REN: variants seen among roughly 807,000 people sequenced by gnomAD.
REN encodes the protein renin, also known as angiotensin-forming enzyme.
A neutral mutation model predicts 48.6 loss-of-function variants in REN; 42 were observed. The observed-to-expected ratio is 0.86, with a 90% CI of 0.68 to 1.12. The LOEUF (loss-of-function observed/expected upper bound fraction) is 1.12, where lower values mean the gene tolerates loss of function less well. REN is among the 50% of genes most tolerant of loss of function. REN has a pLI of 0.00. For missense variants in REN, 443 were observed against 527.3 expected, an observed-to-expected ratio of 0.84 and a Z score of 1.57; for synonymous variants, 196 against 204.6, an observed-to-expected ratio of 0.96 and a Z score of 0.36.
In REN at chr1:204,159,441, T is replaced by C; in HGVS notation, c.647A>G (p.Gln216Arg). Residue 216 changes from glutamine (Q) to arginine (R), a missense_variant, in exon 5 of 10, where the codon CAA becomes CGA. Coordinates refer to ENST00000272190, the MANE Select transcript of REN (RefSeq NM_000537.4). The stretch of plus-strand genomic sequence containing the variant: ...GAAGACGTCCTCTTTTAGCACCCCT[T>C]GGGAGATGATGTTGTCGAAGATAGG... ...VTPIFDNIIS[Q>R]GVLKEDVFSF... The C allele has an allele frequency of 1.2e-6, 2 of 1,614,094 alleles. No individual in the cohort carries two copies. The highest frequency in any genetic ancestry group is 1.7e-6 in the Non-Finnish European group (2 of 1,180,010).
Position 204,155,025 on chromosome 1 carries a change from C to A in REN, c.1212G>T (p.Leu404Phe). ...DRRNNRIGFA[L>F]AR ...TGGGTGGCAGAGGGCCTCAGCGGGC[C>A]AAGGCGAAGCCAATGCGGTTGTTAC... is the stretch of plus-strand genomic sequence containing the variant. Residue 404 changes from leucine to phenylalanine, a missense_variant, in exon 10 of 10, where the codon TTG becomes TTT. By Grantham distance (22) the Leu-to-Phe change is conservative. Transcript: ENST00000272190. The A allele has an allele frequency of 1.9e-6, 3 of 1,614,014 alleles. No homozygotes were observed. The highest frequency in any genetic ancestry group is 2.5e-6 in the Non-Finnish European group (3 of 1,180,042).
At chr1:204,159,650 G>A in intron 4 of REN, 55 bp from the exon 5 acceptor site, 1 of 1,538,422 alleles carries the variant, frequency 6.5e-7, no homozygotes, top group Non-Finnish European at 9.0e-7. Context: ...CTTGGTTGGA[G>A]TCTGGTCTGG....
At chr1:204,165,862 A>G (rs1658340873) in intron 1 of REN, among the ~76,000 whole-genome samples, 1 of 152,178 alleles carries the variant, frequency 6.6e-6, no homozygotes, top group Admixed American at 6.5e-5. Context: ...TGCTGGGATT[A>G]CAGGCAGGAG....
At chr1:204,159,378 C>T (rs1571646750) in intron 5 of REN, 21 bp downstream of exon 5, 2 of 1,610,538 alleles carry the variant, frequency 1.2e-6, no homozygotes, top group African/African-American at 2.7e-5. Flanking sequence ...CCACCTCAGC[C>T]CTTGGAGTCC....
At chr1:204,164,144 A>G (rs997313462) in intron 1 of REN, among the ~76,000 whole-genome samples, 3 of 152,190 alleles carry the variant, frequency 2.0e-5, no homozygotes, top group African/African-American at 7.2e-5. Context: ...CAGCAGGGGA[A>G]GATGTTTTTA....
chr1:204,155,838 G>T lies in REN; in HGVS notation c.1041C>A (p.Ser347Arg), dbSNP rs1257300615. 6.2e-7 allele frequency: 1 copy of T among 1,613,922 alleles called. No homozygotes were observed. The highest frequency in any genetic ancestry group is 8.5e-7 in the Non-Finnish European group (1 of 1,179,906). Residue 347 changes from serine to arginine, a missense_variant, in exon 9 of 10, where the codon AGC becomes AGA. Physicochemically the swap from Ser to Arg is moderately radical, Grantham distance 110. Coordinates refer to ENST00000272190, the MANE Select transcript of REN (RefSeq NM_000537.4). ...ACCTCACCTGAAATACATAGTCCGC[G>T]CTGGTGAGCGTGTATTCTTTGCCTC... is the stretch of plus-strand genomic sequence containing the variant. Reference protein sequence around the residue: ...HLGGKEYTLTSADYVFQESYS... With the variant: ...HLGGKEYTLTRADYVFQESYS...
At chr1:204,158,947 T>C (rs887914806) in intron 5 of REN, among the ~76,000 whole-genome samples, 5 of 152,204 alleles carry the variant, frequency 3.3e-5, no homozygotes, top group African/African-American at 9.6e-5. Flanking sequence ...ATCTAATGGA[T>C]GACTGAAGTT....
chr1:204,156,601 C>G lies in REN; in HGVS notation c.818+76G>C, dbSNP rs372917024. The G allele has an allele frequency of 2.9e-4, 465 of 1,578,370 alleles. 2 individuals carry two copies. In the African/African-American group the frequency reaches 5.7e-3, roughly 19 times the overall value. On this transcript the variant is annotated intron_variant, in intron 7 of 9. Coordinates refer to ENST00000272190, the MANE Select transcript of REN (RefSeq NM_000537.4). This position sits in a 1 kb window ranked among gnomAD's most constrained non-coding sequence, Gnocchi z 4.2. ...TTGGAAAGAGGGCAGGATGGTAATG[C>G]AGTCCTTCCCCACCCTCCCCAACCC... is the stretch of plus-strand genomic sequence containing the variant.
chr1:204,160,630 T>C lies in REN; in HGVS notation c.422A>G (p.Asn141Ser), dbSNP rs776126542. ...DASDSSSYKHNGTELTLRYST... is the reference protein window; with the variant it reads ...DASDSSSYKHSGTELTLRYST... ...ATAGCGGAGGGTGAGTTCTGTTCCATTGTGCTTGTAGCTGGAGGAATCCGA... is the reference window on the plus strand; with the variant it reads ...ATAGCGGAGGGTGAGTTCTGTTCCACTGTGCTTGTAGCTGGAGGAATCCGA... The change falls in exon 4 of 10, where the codon AAT becomes AGT. Residue 141 changes from asparagine to serine, a missense_variant. Transcript: ENST00000272190. 2.7e-5 allele frequency: 43 copies of C among 1,614,148 alleles called. No homozygotes were observed. The Middle Eastern group carries it at 8.2e-4, about 31-fold the overall frequency.
intron 5 of REN, among the ~76,000 whole-genome samples, chr1:204,158,352 G>A (rs1658186712): frequency 6.7e-6 from 1 of 150,186 alleles, no homozygotes; most frequent in African/African-American, 2.5e-5. Context: ...AGATTTCTCT[G>A]AACTCTGATC....
intron 4 of REN, 103 bp from the exon 5 acceptor site, chr1:204,159,698 A>T: frequency 1.0e-6 from 1 of 968,126 alleles, no homozygotes; most frequent in Non-Finnish European, 1.6e-6. Flanking sequence ...CACATGCTCC[A>T]GGGTACAGAA....
chr1:204,165,544 G>A (rs778030022), intron 1 of REN, among the ~76,000 whole-genome samples: 2 of 151,674 alleles, frequency 1.3e-5, no homozygotes, highest in African/African-American at 2.4e-5. Context: ...ATTTAACCAC[G>A]ATATCAAGCT....
intron 1 of REN, among the ~76,000 whole-genome samples, chr1:204,164,856 C>T (rs961208111): frequency 2.6e-5 from 4 of 152,100 alleles, no homozygotes; most frequent in African/African-American, 4.8e-5. Context: ...GCATGAGCCG[C>T]GTGCCCAGCT....
Position 204,156,562 on chromosome 1 carries a change from A to G in REN, c.818+115T>C, listed in dbSNP as rs1165847961. 18 of 1,485,018 alleles carry G rather than the reference A, an allele frequency of 1.2e-5. No individual in the cohort carries two copies. The highest frequency in any genetic ancestry group is 1.6e-5 in the Non-Finnish European group (17 of 1,067,416). The allele number at this position is 1,485,018 out of a possible 1,614,324, so 92.0% of individuals were successfully genotyped here. On this transcript the variant is annotated intron_variant, in intron 7 of 9. Coordinates refer to ENST00000272190, the MANE Select transcript of REN (RefSeq NM_000537.4). This position sits in a 1 kb window ranked among gnomAD's most constrained non-coding sequence, Gnocchi z 4.2. Reference sequence around the variant, plus strand: ...AGAGAGCAAATGGTGGCTGTGCTTAAGAAGTGGCTGCATTTGGAAAGAGGG... The same window carrying G: ...AGAGAGCAAATGGTGGCTGTGCTTAGGAAGTGGCTGCATTTGGAAAGAGGG...
Position 204,156,329 on chromosome 1 carries a change from G to A in REN, c.819-10C>T, listed in dbSNP as rs763874988. 2 of 1,494,036 alleles carry A rather than the reference G, an allele frequency of 1.3e-6. No individual in the cohort carries two copies. Among genetic ancestry groups the A allele is most frequent in the Admixed American group, 1.9e-5 (1 of 51,990 alleles). 92.5% of individuals were successfully genotyped at this position (1,494,036 alleles called of 1,614,324 possible). Reference sequence around the variant, plus strand: ...TGACCCCACAGACACCCTGGGGGAGGCCACAGTCAGACAGACAGACAGACA... The same window carrying A: ...TGACCCCACAGACACCCTGGGGGAGACCACAGTCAGACAGACAGACAGACA... On this transcript the variant is annotated splice_polypyrimidine_tract_variant and intron_variant, in intron 7 of 9. Transcript: ENST00000272190. The surrounding 1 kb of genome is among the most constrained non-coding windows in gnomAD (Gnocchi z 4.2).
In REN at chr1:204,154,859, G is replaced by C; in HGVS notation, c.*157C>G. The C allele has an allele frequency of 1.3e-6, 1 of 788,554 alleles. No homozygotes were observed. Among genetic ancestry groups the C allele is most frequent in the Non-Finnish European group, 2.1e-6 (1 of 472,490 alleles). 48.8% of individuals were successfully genotyped at this position (788,554 alleles called of 1,614,324 possible). ...TTTATTCTCTTTGTCCTCAAAGCAG[G>C]GAAGGGCTGGTGCAGGGGTCAGGGC... On this transcript the variant is annotated 3_prime_UTR_variant, in exon 10 of 10. Coordinates refer to ENST00000272190, the MANE Select transcript of REN (RefSeq NM_000537.4).
At position 204,156,627 on chromosome 1, in the gene REN, CA is replaced by C; in HGVS notation, c.818+49del. The C allele has an allele frequency of 6.2e-7, 1 of 1,612,368 alleles. No individual in the cohort carries two copies. The highest frequency in any genetic ancestry group is 8.5e-7 in the Non-Finnish European group (1 of 1,178,718). On this transcript the variant is annotated intron_variant, in intron 7 of 9. Coordinates refer to ENST00000272190, the MANE Select transcript of REN (RefSeq NM_000537.4). The surrounding 1 kb of genome is among the most constrained non-coding windows in gnomAD (Gnocchi z 4.2). Reference sequence around the variant, plus strand: ...AGTCCTTCCCCACCCTCCCCAACCCCAGTGACGGCAGCATTTTTTGGAGCCC... The same window carrying C: ...AGTCCTTCCCCACCCTCCCCAACCCCGTGACGGCAGCATTTTTTGGAGCCC...
Position 204,156,939 on chromosome 1 carries a change from A to G in REN, c.699-143T>C. The stretch of plus-strand genomic sequence containing the variant: ...ATGTGGGACAGACAGCCAGGCTCGG[A>G]GCTGTCGTTGGGAAGCATGCAGAAC... On this transcript the variant is annotated intron_variant, in intron 6 of 9. Transcript: ENST00000272190. The surrounding 1 kb of genome is among the most constrained non-coding windows in gnomAD (Gnocchi z 4.2). 4.6e-6 allele frequency: 5 copies of G among 1,091,534 alleles called. No individual in the cohort carries two copies. The highest frequency in any genetic ancestry group is 2.9e-4 in the Middle Eastern group (1 of 3,470). The allele number at this position is 1,091,534 out of a possible 1,614,324, so 67.6% of individuals were successfully genotyped here. A position where few individuals can be genotyped will look rare whatever the true frequency, so the allele number is the denominator to read the frequency against.
Position 204,159,736 on chromosome 1 carries a change from T to C in REN, c.493-141A>G, listed in dbSNP as rs937030836. On this transcript the variant is annotated intron_variant, in intron 4 of 9. Coordinates refer to ENST00000272190, the MANE Select transcript of REN (RefSeq NM_000537.4). ...CGGGGTAAGAGTATTTCCTCAACCC[T>C]GCACGCACACACTCTGTGCCAATAC... 5.6e-6 allele frequency: 4 copies of C among 717,106 alleles called. No homozygotes were observed. The African/African-American group carries it at 7.0e-5, about 12-fold the overall frequency. 44.4% of individuals were successfully genotyped at this position (717,106 alleles called of 1,614,324 possible).
Sources: allele counts gnomAD v4.1 joint callset (sites outside exome capture counted in the v4.1 genomes callset), GRCh38; gene constraint gnomAD v4.1.1; non-coding constraint Gnocchi (gnomAD v3.1); transcripts MANE v1.5; gene names NCBI Gene and HGNC (gene_info 2026-07-23, HGNC 2026-07-21).